SHQ1: variants seen among roughly 807,000 people sequenced by gnomAD.
SHQ1 encodes protein SHQ1 homolog.
A neutral mutation model predicts 53.8 loss-of-function variants in SHQ1; 49 were observed. That is an observed-to-expected ratio of 0.91 (90% confidence interval 0.72 to 1.16). The LOEUF is 1.16. SHQ1 is among the 50% of genes most tolerant of loss of function. SHQ1 has a pLI of 0.00. For missense variants in SHQ1, 738 were observed against 683.1 expected (o/e 1.08, Z -0.90); for synonymous variants, 243 against 251.0 (o/e 0.97, Z 0.30).
chr3:72,764,346 C>G (rs891339458), intron 10 of SHQ1, among the ~76,000 whole-genome samples: 1 of 152,154 alleles, frequency 6.6e-6, no homozygotes, highest in Non-Finnish European at 1.5e-5. Flanking sequence ...GGTGCCCAGA[C>G]TACTAAGGTT....
chr3:72,740,652 G>T, the SHQ1 span, among the ~76,000 whole-genome samples: 1 of 152,148 alleles, frequency 6.6e-6, no homozygotes, highest in Non-Finnish European at 1.5e-5. Flanking sequence ...TAATGCTCAG[G>T]CGTTATGGAG....
intron 10 of SHQ1, among the ~76,000 whole-genome samples, chr3:72,766,633 G>A (rs865992984): frequency 2.6e-5 from 4 of 152,162 alleles, no homozygotes; most frequent in Admixed American, 6.5e-5. Context: ...AAACTCACTG[G>A]AGAAGGTATC....
At chr3:72,815,464 C>A in intron 7 of SHQ1, 61 bp from the exon 8 acceptor site, 2 of 1,269,574 alleles carry the variant, frequency 1.6e-6, no homozygotes, top group South Asian at 1.2e-5. Flanking sequence ...TTAAATAGAC[C>A]AAACAAATCC....
At chr3:72,753,818 T>A (rs1396332392) in intron 10 of SHQ1, among the ~76,000 whole-genome samples, 1 of 152,218 alleles carries the variant, frequency 6.6e-6, no homozygotes, top group Non-Finnish European at 1.5e-5. Context: ...TTTGCATTTA[T>A]ACCCAAGACA....
chr3:72,843,718 A>G (rs1248075723), intron 2 of SHQ1, among the ~76,000 whole-genome samples: 1 of 152,152 alleles, frequency 6.6e-6, no homozygotes, highest in Non-Finnish European at 1.5e-5. Flanking sequence ...ACACTGCATT[A>G]TGGGTTAGAT....
chr3:72,774,377 C>G (rs1466658645), intron 10 of SHQ1, among the ~76,000 whole-genome samples: 2 of 150,648 alleles, frequency 1.3e-5, no homozygotes, highest in African/African-American at 2.5e-5. Flanking sequence ...GCTAACAATT[C>G]GAAGATCAAC....
intron 1 of SHQ1, among the ~76,000 whole-genome samples, chr3:72,845,485 CAAA>C (rs550677371): frequency 2.4e-5 from 3 of 123,670 alleles, no homozygotes; most frequent in African/African-American, 2.9e-5. Context: ...ATTCTGTGTC[CAAA>C]AAAAAAAAAA....
rs527502092 is a variant in SHQ1, at chr3:72,838,649, G to A, written c.486+2396C>T. ...AAAATGGCTGGGATTACAGGCATGC[G>A]CCACCACGCTCAGCTAATTTTTGTA... On this transcript the variant is annotated intron_variant, in intron 4 of 10. Coordinates refer to ENST00000325599, the MANE Select transcript of SHQ1 (RefSeq NM_018130.3). 3.9e-5 allele frequency among the ~76,000 whole-genome samples: 6 copies of A among 152,222 alleles called. No individual in the cohort carries two copies. The East Asian group carries it at 7.7e-4, about 20-fold the overall frequency.
At position 72,841,202 on chromosome 3, in the gene SHQ1, G is replaced by C. The variant is rs1708170700; in HGVS notation, c.332-3C>G. 2 of 1,601,306 alleles carry C rather than the reference G, an allele frequency of 1.2e-6. No individual in the cohort carries two copies. Among genetic ancestry groups the C allele is most frequent in the Non-Finnish European group, 1.7e-6 (2 of 1,176,520 alleles). On this transcript the variant is annotated splice_region_variant and splice_polypyrimidine_tract_variant and intron_variant, in intron 3 of 10. Transcript: ENST00000325599. Reference sequence around the variant, plus strand: ...TTCCTCAGGAATCTCAGAAGCACCTGAATGTGTTAAATTTTAATTTTTTTT... The same window carrying C: ...TTCCTCAGGAATCTCAGAAGCACCTCAATGTGTTAAATTTTAATTTTTTTT...
chr3:72,751,496 G>GTACACA (rs1372925082), intron 10 of SHQ1, among the ~76,000 whole-genome samples: 2 of 117,120 alleles, frequency 1.7e-5, no homozygotes, highest in Non-Finnish European at 3.4e-5. Flanking sequence ...GTGTGTGTGT[G>GTACACA]TGTGTGTGTG....
chr3:72,729,561 A>T, the SHQ1 span, among the ~76,000 whole-genome samples: 1 of 152,242 alleles, frequency 6.6e-6, no homozygotes, highest in Non-Finnish European at 1.5e-5. Flanking sequence ...AATTGAAATG[A>T]AGAAATGCTT....
intron 10 of SHQ1, among the ~76,000 whole-genome samples, chr3:72,776,833 G>A (rs1391883054): frequency 6.6e-6 from 1 of 152,126 alleles, no homozygotes; most frequent in African/African-American, 2.4e-5. Flanking sequence ...CAGTAATTAA[G>A]AAAGTATGGC....
At chr3:72,797,989 C>G (rs951315043) in intron 9 of SHQ1, among the ~76,000 whole-genome samples, 1 of 152,186 alleles carries the variant, frequency 6.6e-6, no homozygotes, top group Non-Finnish European at 1.5e-5. Context: ...TGGCCCTCTT[C>G]CAGGCTGTCA....
Position 72,750,324 on chromosome 3 carries a change from T to C in SHQ1, c.1694A>G (p.Asn565Ser). The C allele has an allele frequency of 6.2e-7, 1 of 1,613,954 alleles. No individual in the cohort carries two copies. Among genetic ancestry groups the C allele is most frequent in the South Asian group, 1.1e-5 (1 of 90,998 alleles). ...PKGTTAVNRS[N>S]IQERDGCQTP... ...CTGACAGCCGTCTCTCTCCTGAATA[T>C]TGCTGCGGTTTACAGCAGTGGTGCC... Residue 565 changes from asparagine (N) to serine (S), a missense_variant, in exon 11 of 11, where the codon AAT (asparagine) becomes AGT (serine). Coordinates refer to ENST00000325599, the MANE Select transcript of SHQ1 (RefSeq NM_018130.3).
At chr3:72,786,761 C>T (rs1159341116) in intron 10 of SHQ1, among the ~76,000 whole-genome samples, 1 of 152,196 alleles carries the variant, frequency 6.6e-6, no homozygotes, top group African/African-American at 2.4e-5. Flanking sequence ...GTATTCCCAG[C>T]ACCTATCTCA....
chr3:72,801,128 C>A (rs1408992016), intron 9 of SHQ1, among the ~76,000 whole-genome samples: 2 of 125,574 alleles, frequency 1.6e-5, no homozygotes, highest in African/African-American at 9.1e-5. Flanking sequence ...CATCCAAGTT[C>A]AAGGTAGAAC....
intron 10 of SHQ1, among the ~76,000 whole-genome samples, chr3:72,791,101 A>T (rs1407176972): frequency 1.3e-5 from 2 of 152,212 alleles, no homozygotes; most frequent in East Asian, 3.9e-4. Flanking sequence ...AGAATATCAC[A>T]AAGAGAGAAA....
chr3:72,833,494 A>G (rs1283867668), intron 4 of SHQ1, among the ~76,000 whole-genome samples: 2 of 34,816 alleles, frequency 5.7e-5, no homozygotes, highest in East Asian at 1.6e-3. Context: ...AGATAGATAG[A>G]TAGATAGACA....
chr3:72,746,206 G>A (rs1705257397), downstream of SHQ1, among the ~76,000 whole-genome samples: 1 of 152,146 alleles, frequency 6.6e-6, no homozygotes. Flanking sequence ...AGCTACAGTG[G>A]AGCTGGGTTG....
Sources: allele counts gnomAD v4.1 joint callset (sites outside exome capture counted in the v4.1 genomes callset), GRCh38; gene constraint gnomAD v4.1.1; transcripts MANE v1.5; gene names NCBI Gene and HGNC (gene_info 2026-07-23, HGNC 2026-07-21).